PDZD2: variants seen among roughly 807,000 people sequenced by gnomAD.
The protein encoded by PDZD2 is PDZ domain-containing protein 2.
PDZD2 carries 90 observed loss-of-function variants against 220.7 expected under a neutral mutation model. The ratio of observed to expected loss-of-function variants is 0.41; its 90% CI spans 0.34 to 0.49. The LOEUF (loss-of-function observed/expected upper bound fraction) is 0.49. PDZD2 is among the 20% of genes least tolerant of loss of function. The pLI, the probability that PDZD2 is intolerant of heterozygous loss-of-function variation, is 0.28. For synonymous variants in PDZD2, 1,375 were observed against 1,450.5 expected (o/e 0.95, Z 1.18); for missense variants, 3,174 against 3,608.5 (o/e 0.88, Z 3.08).
In PDZD2 at chr5:32,088,994, A is replaced by G. The variant is rs1298658249; in HGVS notation, c.5546A>G (p.His1849Arg). 4.3e-6 allele frequency: 7 copies of G among 1,613,922 alleles called. No individual in the cohort carries two copies. Among genetic ancestry groups the G allele is most frequent in the African/African-American group, 1.3e-5 (1 of 74,930 alleles). The change falls in exon 20 of 25, where the codon CAT (histidine) becomes CGT (arginine). Residue 1849 changes from histidine to arginine, a missense_variant. By Grantham distance (29) the His-to-Arg change is conservative. Coordinates refer to ENST00000438447, the MANE Select transcript of PDZD2 (RefSeq NM_178140.4). This position sits in a 1 kb window ranked among gnomAD's most constrained non-coding sequence, Gnocchi z 4.6. ...SSQKKGVTVP[H>R]SPPQPKTNLE... ...CAAAAAAAGGGCGTTACTGTGCCTC[A>G]TAGCCCTCCTCAGCCGAAAACAAAC...
intron 1 of PDZD2, among the ~76,000 whole-genome samples, chr5:31,653,624 A>T (rs1389045898): frequency 6.6e-6 from 1 of 152,204 alleles, no homozygotes; most frequent in East Asian, 1.9e-4. Flanking sequence ...TTTCTTTTCA[A>T]ATGGAAAGAT....
chr5:31,964,532 A>C (rs1748542284), intron 2 of PDZD2, among the ~76,000 whole-genome samples: 1 of 152,104 alleles, frequency 6.6e-6, no homozygotes, highest in African/African-American at 2.4e-5. Context: ...GATTGAACAG[A>C]AATCTTTGTG....
chr5:31,893,462 A>C (rs1741248600), intron 2 of PDZD2, among the ~76,000 whole-genome samples: 1 of 152,132 alleles, frequency 6.6e-6, no homozygotes, highest in Non-Finnish European at 1.5e-5. Context: ...CCAGCTACTC[A>C]GGAGGGCTGA....
intron 8 of PDZD2, 197 bp from the exon 9 acceptor site, chr5:32,052,414 G>A (rs1191573959): frequency 2.0e-6 from 1 of 491,310 alleles, no homozygotes; most frequent in Non-Finnish European, 3.7e-6. Context: ...CCAAAGTGCT[G>A]GGATTACAGG....
At chr5:31,993,379 G>A (rs973244723) in intron 3 of PDZD2, among the ~76,000 whole-genome samples, 1 of 152,210 alleles carries the variant, frequency 6.6e-6, no homozygotes, top group Admixed American at 6.5e-5. Flanking sequence ...CGAACAGCAC[G>A]CTACCCGAAG....
At chr5:32,037,137 C>T (rs997809340) in intron 6 of PDZD2, 94 bp from the exon 7 acceptor site, 22 of 753,126 alleles carry the variant, frequency 2.9e-5, no homozygotes, top group Middle Eastern at 3.2e-4. Flanking sequence ...TGTATTGCTG[C>T]TCCTTGAGCC....
chr5:31,730,649 A>G (rs766715601), intron 1 of PDZD2, among the ~76,000 whole-genome samples: 5 of 151,366 alleles, frequency 3.3e-5, no homozygotes, highest in Non-Finnish European at 5.9e-5. Context: ...TACTAGGTGA[A>G]TAGCTACAGA....
chr5:32,032,035 A>G (rs1755161258), intron 6 of PDZD2, among the ~76,000 whole-genome samples: 1 of 152,232 alleles, frequency 6.6e-6, no homozygotes, highest in South Asian at 2.1e-4. Context: ...TAAAATATGT[A>G]TACTCTGAAT....
At chr5:31,862,101 G>GTTGTTTTTTTTTTTTT (rs768772887) in intron 2 of PDZD2, among the ~76,000 whole-genome samples, 1 of 78,496 alleles carries the variant, frequency 1.3e-5, no homozygotes, top group African/African-American at 4.8e-5. Context: ...TTTTTTTTGG[G>GTTGTTTTTTTTTTTTT]TTTTTTTTTT....
intron 1 of PDZD2, among the ~76,000 whole-genome samples, chr5:31,798,137 C>T (rs1754155175): frequency 6.6e-6 from 1 of 152,126 alleles, no homozygotes; most frequent in African/African-American, 2.4e-5. Context: ...ACTGGTGTCA[C>T]CACTGTATTC....
At chr5:31,815,181 G>A (rs1455161602) in intron 2 of PDZD2, among the ~76,000 whole-genome samples, 4 of 145,172 alleles carry the variant, frequency 2.8e-5, no homozygotes, top group African/African-American at 1.0e-4. Context: ...GGAGGCAGAG[G>A]TTTCAGTGAG....
intron 2 of PDZD2, among the ~76,000 whole-genome samples, chr5:31,872,798 A>C (rs752013890): frequency 6.6e-6 from 1 of 152,154 alleles, no homozygotes; most frequent in Non-Finnish European, 1.5e-5. Flanking sequence ...GTGTGTGTAC[A>C]GTCATGCACT....
rs1373789283 is a variant in PDZD2, at chr5:32,098,406, A to T, written c.7990A>T (p.Thr2664Ser). The change falls in exon 23 of 25, where the codon ACT becomes TCT. Residue 2664 changes from threonine to serine, a missense_variant. This residue lies in a region of PDZD2 where 631 missense variants were observed against 789.9 expected (regional missense o/e 0.80). Transcript: ENST00000438447. The surrounding 1 kb of genome is among the most constrained non-coding windows in gnomAD (Gnocchi z 4.1). The stretch of plus-strand genomic sequence containing the variant: ...TCAGGGGGCGGCTTCTCAGGAAGGG[A>T]CTATGAACCGAGGGGATTTCCTTCT... ...FSQGAASQEG[T>S]MNRGDFLLSV... The T allele has an allele frequency of 4.3e-6, 7 of 1,613,790 alleles. No individual in the cohort carries two copies. The Admixed American group carries it at 6.7e-5, about 15-fold the overall frequency.
At chr5:31,663,814 T>C (rs1745873224) in intron 1 of PDZD2, among the ~76,000 whole-genome samples, 1 of 152,200 alleles carries the variant, frequency 6.6e-6, no homozygotes, top group South Asian at 2.1e-4. Context: ...TGGGGCAGGC[T>C]TGGCCCTGAA....
intron 2 of PDZD2, among the ~76,000 whole-genome samples, chr5:31,870,578 T>A (rs1456772604): frequency 1.3e-5 from 2 of 152,242 alleles, no homozygotes; most frequent in African/African-American, 4.8e-5. Context: ...AAGTCTTTTT[T>A]AAAGATCATT....
intron 1 of PDZD2, among the ~76,000 whole-genome samples, chr5:31,791,305 T>C (rs1182078357): frequency 6.6e-6 from 1 of 151,916 alleles, no homozygotes; most frequent in Non-Finnish European, 1.5e-5. Flanking sequence ...AAAAAGCACC[T>C]ATTGGCCAGG....
chr5:31,706,255 C>T (rs1464246236), intron 1 of PDZD2, among the ~76,000 whole-genome samples: 1 of 152,146 alleles, frequency 6.6e-6, no homozygotes, highest in African/African-American at 2.4e-5. Context: ...GTAGTTTTGA[C>T]TCTGAGCTTC....
chr5:32,099,725 A>G (rs951117524), intron 23 of PDZD2: 1 of 152,264 alleles, frequency 6.6e-6, no homozygotes, highest in Non-Finnish European at 1.5e-5. Context: ...AGCCTCGTGA[A>G]CTCAGATCTG....
chr5:31,674,375 G>T (rs1057157299), intron 1 of PDZD2, among the ~76,000 whole-genome samples: 11 of 152,208 alleles, frequency 7.2e-5, no homozygotes, highest in African/African-American at 2.7e-4. Context: ...CTCCTTTGGA[G>T]GAACTTGAAC....
Sources: allele counts gnomAD v4.1 joint callset (sites outside exome capture counted in the v4.1 genomes callset), GRCh38; gene constraint gnomAD v4.1.1; regional missense constraint gnomAD v4.1.1; non-coding constraint Gnocchi (gnomAD v3.1); transcripts MANE v1.5; gene names NCBI Gene and HGNC (gene_info 2026-07-23, HGNC 2026-07-21).